Variants in MTHFS observed in about 807,000 individuals in gnomAD.
The protein encoded by MTHFS is 5-formyltetrahydrofolate cyclo-ligase.
In MTHFS, 7 loss-of-function variants were observed where a neutral mutation model predicts 12.7. That is an observed-to-expected ratio of 0.55 (90% CI 0.31 to 1.03). MTHFS has a LOEUF of 1.03. Among genes scored for constraint, MTHFS ranks in the 50% least tolerant of loss-of-function variants. The probability of loss-of-function intolerance (pLI) is 0.05; values close to 1 mark genes in which losing one functional copy is unlikely to be tolerated. For synonymous variants in MTHFS, 100 were observed against 97.1 expected, an observed-to-expected ratio of 1.03 and a Z score of -0.18; for missense variants, 252 against 258.1, an observed-to-expected ratio of 0.98 and a Z score of 0.16.
Position 79,887,067 on chromosome 15 carries a change from T to C in MTHFS, c.379+2026A>G, listed in dbSNP as rs1200324735. On this transcript the variant is annotated intron_variant, in intron 2 of 2. Coordinates refer to ENST00000258874, the MANE Select transcript of MTHFS (RefSeq NM_006441.4). Reference sequence around the variant, plus strand: ...CTGATCAACATGGTGAAACCCCATCTCTATTAAAAATACAAAATTAGCCAG... The same window carrying C: ...CTGATCAACATGGTGAAACCCCATCCCTATTAAAAATACAAAATTAGCCAG... 2.6e-5 allele frequency among the ~76,000 whole-genome samples: 4 copies of C among 152,116 alleles called. No individual in the cohort carries two copies. The East Asian group carries it at 7.7e-4, about 29-fold the overall frequency.
At chr15:79,849,545 G>C (rs559801199) in intron 2 of MTHFS, among the ~76,000 whole-genome samples, 4 of 152,304 alleles carry the variant, frequency 2.6e-5, no homozygotes, top group African/African-American at 9.6e-5. Flanking sequence ...GTAGACACCA[G>C]AGACACCTTC....
intron 2 of MTHFS, among the ~76,000 whole-genome samples, chr15:79,864,422 A>G (rs551723281): frequency 6.6e-6 from 1 of 151,774 alleles, no homozygotes; most frequent in African/African-American, 2.4e-5. Flanking sequence ...GTACGCGCCC[A>G]TAGTCCCAGC....
At chr15:79,896,776 A>C in intron 1 of MTHFS, 96 bp downstream of exon 1, 30 of 1,335,742 alleles carry the variant, frequency 2.2e-5, no homozygotes, top group East Asian at 8.0e-5. Flanking sequence ...CGCCTAGCCC[A>C]GCGCCAGCAC....
intron 2 of MTHFS, among the ~76,000 whole-genome samples, chr15:79,883,604 G>A (rs1342319598): frequency 6.6e-6 from 1 of 152,184 alleles, no homozygotes; most frequent in Non-Finnish European, 1.5e-5. Flanking sequence ...TGGAAGGTTT[G>A]GGGGAAATAA....
At chr15:79,856,226 G>A (rs1168234426) in intron 2 of MTHFS, among the ~76,000 whole-genome samples, 1 of 152,082 alleles carries the variant, frequency 6.6e-6, no homozygotes, top group Non-Finnish European at 1.5e-5. Flanking sequence ...GGTATGAGAT[G>A]GTAGCTCACT....
rs777878165 is a variant in MTHFS at position 79,889,252 on chromosome 15, G to A, written c.220C>T (p.Arg74Ter). ...TEEIIKDIFQRGKICFIPRYR... is the reference protein window; with the variant it reads ...TEEIIKDIFQ ...CGAGGGATGAAGCAGATTTTGCCTC[G>A]TTGGAAAATGTCCTTGATGATCTCT... The change falls in exon 2 of 3, where the codon CGA (arginine) becomes TGA (stop). Residue 74 changes from arginine (R) to a stop codon, truncating the protein, a stop_gained. Transcript: ENST00000258874. LOFTEE classifies it high-confidence loss of function. The A allele has an allele frequency of 1.4e-4, 226 of 1,614,024 alleles. No homozygotes were observed. Among genetic ancestry groups the A allele is most frequent in the Non-Finnish European group, 1.7e-4 (203 of 1,180,042 alleles).
intron 2 of MTHFS, among the ~76,000 whole-genome samples, chr15:79,886,291 T>C (rs1202643544): frequency 6.6e-6 from 1 of 152,208 alleles, no homozygotes; most frequent in African/African-American, 2.4e-5. Flanking sequence ...ACTGAAGTTG[T>C]CACATTTTAA....
chr15:79,853,136 T>C (rs1437468789), intron 2 of MTHFS, among the ~76,000 whole-genome samples: 1 of 152,140 alleles, frequency 6.6e-6, no homozygotes, highest in Non-Finnish European at 1.5e-5. Flanking sequence ...TCAGGAAGGA[T>C]ACGAAAGAAG....
At chr15:79,892,129 T>C (rs1030280477) in intron 1 of MTHFS, among the ~76,000 whole-genome samples, 1 of 152,032 alleles carries the variant, frequency 6.6e-6, no homozygotes, top group Admixed American at 6.6e-5. Flanking sequence ...TATTTAAAAG[T>C]TTACCACCCC....
chr15:79,852,942 T>C (rs2033741563), intron 2 of MTHFS, among the ~76,000 whole-genome samples: 1 of 152,210 alleles, frequency 6.6e-6, no homozygotes, highest in African/African-American at 2.4e-5. Flanking sequence ...CTGAAAAAGC[T>C]AATAAGAAAT....
rs1301832580 is a variant in MTHFS, at chr15:79,845,297, G to A, written c.525C>T (p.Phe175=). 2 of 1,614,062 alleles carry A rather than the reference G, an allele frequency of 1.2e-6. No individual in the cohort carries two copies. Among genetic ancestry groups the A allele is most frequent in the Non-Finnish European group, 1.7e-6 (2 of 1,180,008 alleles). Reference sequence around the variant, plus strand: ...GGACCTGGAGGCAAATCTGTTCTTTGAAAGCCAACGCCAGGGTGTAGGGCT... The same window carrying A: ...GGACCTGGAGGCAAATCTGTTCTTTAAAAGCCAACGCCAGGGTGTAGGGCT... ...EVKPYTLALA[F]KEQICLQVPV... is the part of the protein sequence containing the mutation. Residue 175 remains phenylalanine, a synonymous_variant, in exon 3 of 3, where the codon TTC becomes TTT. Transcript: ENST00000258874.
At chr15:79,894,473 G>T (rs1036398215) in intron 1 of MTHFS, among the ~76,000 whole-genome samples, 1 of 152,172 alleles carries the variant, frequency 6.6e-6, no homozygotes, top group Non-Finnish European at 1.5e-5. Flanking sequence ...AGAGTAAAAT[G>T]TATTTATTAC....
chr15:79,886,706 G>A (rs895642433), intron 2 of MTHFS, among the ~76,000 whole-genome samples: 8 of 152,002 alleles, frequency 5.3e-5, no homozygotes, highest in Non-Finnish European at 1.0e-4. Flanking sequence ...TTCTGTTTAT[G>A]TTCATTTTCT....
rs540588409 is a variant in MTHFS at position 79,862,835 on chromosome 15, C to T, written c.380-17393G>A. 5.9e-5 allele frequency among the ~76,000 whole-genome samples: 9 copies of T among 152,290 alleles called. No homozygotes were observed. The East Asian group carries it at 1.2e-3, about 20-fold the overall frequency. The stretch of plus-strand genomic sequence containing the variant: ...TCTAGAAAGGCAAATTGATCTTGGT[C>T]CATCTACATTTGCCATGGCCTCATC... On this transcript the variant is annotated intron_variant, in intron 2 of 2. Coordinates refer to ENST00000258874, the MANE Select transcript of MTHFS (RefSeq NM_006441.4).
chr15:79,863,629 A>G (rs537297176), intron 2 of MTHFS, among the ~76,000 whole-genome samples: 25 of 152,230 alleles, frequency 1.6e-4, no homozygotes, highest in Admixed American at 5.2e-4. Flanking sequence ...GTAGTTATGT[A>G]TGACCTTGTG....
chr15:79,885,553 T>C (rs1228979305), intron 2 of MTHFS, among the ~76,000 whole-genome samples: 1 of 152,208 alleles, frequency 6.6e-6, no homozygotes, highest in Non-Finnish European at 1.5e-5. Flanking sequence ...TATGACCTAG[T>C]CTAAGTCAAT....
At chr15:79,891,974 A>G (rs537351562) in intron 1 of MTHFS, among the ~76,000 whole-genome samples, 253 of 151,350 alleles carry the variant, frequency 1.7e-3, no homozygotes, top group African/African-American at 5.8e-3. Flanking sequence ...AAAAAAAAAA[A>G]AAAAAAAAAA....
intron 2 of MTHFS, among the ~76,000 whole-genome samples, chr15:79,888,553 T>C (rs908258989): frequency 1.3e-5 from 2 of 152,208 alleles, no homozygotes; most frequent in African/African-American, 4.8e-5. Flanking sequence ...TAGACTGCAG[T>C]AGTAGCAGTG....
intron 2 of MTHFS, among the ~76,000 whole-genome samples, chr15:79,867,766 T>C (rs2034037838): frequency 6.6e-6 from 1 of 152,172 alleles, no homozygotes; most frequent in Non-Finnish European, 1.5e-5. Flanking sequence ...AATCTAAAAA[T>C]GACAATTTTC....
Sources: allele counts gnomAD v4.1 joint callset (sites outside exome capture counted in the v4.1 genomes callset), GRCh38; gene constraint gnomAD v4.1.1; transcripts MANE v1.5; gene names NCBI Gene and HGNC (gene_info 2026-07-23, HGNC 2026-07-21).